The following AVPR1B variants were observed in gnomAD, a reference collection of about 807,000 sequenced individuals.
AVPR1B encodes vasopressin V1b receptor.
Under a neutral mutation model 27.5 loss-of-function variants are expected in AVPR1B, and 25 were observed. The ratio of observed to expected loss-of-function variants is 0.91; its 90% CI spans 0.66 to 1.27. The LOEUF (loss-of-function observed/expected upper bound fraction) is 1.27, where lower values mean the gene tolerates loss of function less well. AVPR1B is among the 50% of genes most tolerant of loss of function. The pLI, the probability that AVPR1B is intolerant of heterozygous loss-of-function variation, is 0.00. For synonymous variants in AVPR1B, 248 were observed against 240.2 expected (o/e 1.03, Z -0.30); for missense variants, 595 against 556.9 (o/e 1.07, Z -0.69).
Position 206,109,992 on chromosome 1 carries a change from G to C in AVPR1B, c.*197C>G, listed in dbSNP as rs1020857659. 1 of 605,548 alleles carries C rather than the reference G, an allele frequency of 1.7e-6. No homozygotes were observed. Among genetic ancestry groups the C allele is most frequent in the African/African-American group, 1.8e-5 (1 of 54,102 alleles). 37.5% of individuals were successfully genotyped at this position (605,548 alleles called of 1,614,324 possible). A position where few individuals can be genotyped will look rare whatever the true frequency, so the allele number is the denominator to read the frequency against. ...CCTGACTGCCAGTGTCTGAGATTGG[G>C]AGCTTATGAGGCAGCCCTCACACTA... On this transcript the variant is annotated 3_prime_UTR_variant, in exon 2 of 2. Coordinates refer to ENST00000367126, the MANE Select transcript of AVPR1B (RefSeq NM_000707.5).
chr1:206,112,773 G>A (rs1553289999), intron 1 of AVPR1B, among the ~76,000 whole-genome samples: 2 of 152,216 alleles, frequency 1.3e-5, no homozygotes, highest in African/African-American at 4.8e-5. Context: ...ACAGGCATGA[G>A]CCACCACACC....
At position 206,109,537 on chromosome 1, in the gene AVPR1B, C is replaced by T. The variant is rs35439639; in HGVS notation, c.*652G>A. Among the ~76,000 whole-genome samples the T allele has an allele frequency of 0.017, 2,531 of 152,046 alleles. 26 individuals are homozygous for T. The highest frequency in any genetic ancestry group is 0.027 in the Middle Eastern group (8 of 294). On this transcript the variant is annotated 3_prime_UTR_variant, in exon 2 of 2. Transcript: ENST00000367126. ...ATCCACGCTGTCATGGGGGGTGGCA[C>T]GAGGAGAAGAGGGACTGGCATTTGC...
intron 1 of AVPR1B, among the ~76,000 whole-genome samples, chr1:206,113,361 A>C (rs3888709): frequency 0.058 from 8,834 of 152,238 alleles, 837 homozygotes; most frequent in African/African-American, 0.2. Context: ...GCTAGGGGGC[A>C]AACAGGCCGG....
rs781984065 is a variant in AVPR1B, at chr1:206,115,697, C to T, written c.940+254G>A. Among the ~76,000 whole-genome samples, 7 of 152,094 alleles carry T rather than the reference C, an allele frequency of 4.6e-5. No homozygotes were observed. The South Asian group carries it at 1.0e-3, about 23-fold the overall frequency. On this transcript the variant is annotated intron_variant, in intron 1 of 1. Transcript: ENST00000367126. The stretch of plus-strand genomic sequence containing the variant: ...TAATGGTCATATTTCATTAGTACCA[C>T]CTAGTATTTTAAAATTGTTAGTTAC...
At chr1:206,112,183 A>G (rs182673814) in intron 1 of AVPR1B, among the ~76,000 whole-genome samples, 4 of 151,714 alleles carry the variant, frequency 2.6e-5, no homozygotes, top group African/African-American at 9.7e-5. Flanking sequence ...TGACAAGAGC[A>G]AGACTCCATC....
At position 206,116,984 on chromosome 1, in the gene AVPR1B, A is replaced by T. The variant is rs1571885668; in HGVS notation, c.-94T>A. 8.5e-7 allele frequency: 1 copy of T among 1,171,216 alleles called. No individual in the cohort carries two copies. The highest frequency in any genetic ancestry group is 2.2e-5 in the Admixed American group (1 of 45,454). The allele number at this position is 1,171,216 out of a possible 1,614,324, so 72.6% of individuals were successfully genotyped here. A position where few individuals can be genotyped will look rare whatever the true frequency, so the allele number is the denominator to read the frequency against. On this transcript the variant is annotated 5_prime_UTR_variant, in exon 1 of 2. Coordinates refer to ENST00000367126, the MANE Select transcript of AVPR1B (RefSeq NM_000707.5). ...AAATGGAGTGGCAGGGGAGGTGGAG[A>T]GAAAGGAGAAGCGTTGAGAATGACA...
In AVPR1B at chr1:206,109,643, C is replaced by T. The variant is rs1414817504; in HGVS notation, c.*546G>A. On this transcript the variant is annotated 3_prime_UTR_variant, in exon 2 of 2. Coordinates refer to ENST00000367126, the MANE Select transcript of AVPR1B (RefSeq NM_000707.5). Reference sequence around the variant, plus strand: ...TCTCCCTTCAACAGACAGCTGGGCACAGCAGGGTAATCCCTACATATCCAT... The same window carrying T: ...TCTCCCTTCAACAGACAGCTGGGCATAGCAGGGTAATCCCTACATATCCAT... 2 of 154,476 alleles carry T rather than the reference C, an allele frequency of 1.3e-5. No individual in the cohort carries two copies. Among genetic ancestry groups the T allele is most frequent in the Admixed American group, 6.4e-5 (1 of 15,598 alleles). The allele number at this position is 154,476 out of a possible 1,614,324, so 9.6% of individuals were successfully genotyped here.
intron 1 of AVPR1B, among the ~76,000 whole-genome samples, chr1:206,115,245 A>C (rs185674702): frequency 6.6e-6 from 1 of 152,252 alleles, no homozygotes; most frequent in East Asian, 1.9e-4. Flanking sequence ...AGAAAAAAAA[A>C]ACACATAAAA....
chr1:206,116,034 A>G lies in AVPR1B; in HGVS notation c.857T>C (p.Ile286Thr). 6.2e-7 allele frequency: 1 copy of G among 1,614,242 alleles called. No homozygotes were observed. Among genetic ancestry groups the G allele is most frequent in the East Asian group, 2.2e-5 (1 of 44,888 alleles). ...CCAGCAAGCGATGTAGGCCAGCACGATGACAAAGGTCATCTTCACTGTTCG... is the reference window on the plus strand; with the variant it reads ...CCAGCAAGCGATGTAGGCCAGCACGGTGACAAAGGTCATCTTCACTGTTCG... ...KIRTVKMTFV[I>T]VLAYIACWAP... is the part of the protein sequence containing the mutation. Residue 286 changes from isoleucine to threonine, a missense_variant, in exon 1 of 2, where the codon ATC becomes ACC. Coordinates refer to ENST00000367126, the MANE Select transcript of AVPR1B (RefSeq NM_000707.5).
intron 1 of AVPR1B, among the ~76,000 whole-genome samples, chr1:206,114,019 C>T (rs1663421687): frequency 1.3e-5 from 2 of 152,094 alleles, no homozygotes; most frequent in South Asian, 2.1e-4. Flanking sequence ...CTTGCCCAGA[C>T]GATGTCAAAA....
chr1:206,116,095 C>G lies in AVPR1B; in HGVS notation c.796G>C (p.Val266Leu), dbSNP rs1553290458. Residue 266 changes from valine (V) to leucine (L), a missense_variant, in exon 1 of 2, where the codon GTC (valine) becomes CTC (leucine). By Grantham distance (32) the Val-to-Leu change is conservative (BLOSUM62 1). Coordinates refer to ENST00000367126, the MANE Select transcript of AVPR1B (RefSeq NM_000707.5). ...AATTRGLPSR[V>L]SSINTISRAK... ...CGTGAGATGGTGTTGATGCTGCTGA[C>G]CCGAGATGGCAGCCCCCGAGTGGTG... is the stretch of plus-strand genomic sequence containing the variant. 6.2e-6 allele frequency: 10 copies of G among 1,614,114 alleles called. No individual in the cohort carries two copies. The South Asian group carries it at 1.1e-4, about 18-fold the overall frequency.
At chr1:206,113,263 C>T (rs1276305257) in intron 1 of AVPR1B, among the ~76,000 whole-genome samples, 1 of 152,156 alleles carries the variant, frequency 6.6e-6, no homozygotes, top group Admixed American at 6.5e-5. Context: ...CAGTCCTGGC[C>T]TCCGTTGCCT....
chr1:206,110,002 G>A lies in AVPR1B; in HGVS notation c.*187C>T, dbSNP rs1178716970. The A allele has an allele frequency of 1.6e-6, 1 of 633,714 alleles. No individual in the cohort carries two copies. The highest frequency in any genetic ancestry group is 2.7e-6 in the Non-Finnish European group (1 of 370,274). 39.3% of individuals were successfully genotyped at this position (633,714 alleles called of 1,614,324 possible). On this transcript the variant is annotated 3_prime_UTR_variant, in exon 2 of 2. Transcript: ENST00000367126. ...AGTGTCTGAGATTGGGAGCTTATGA[G>A]GCAGCCCTCACACTAGGGGCAGCTG...
rs781970588 is a variant in AVPR1B at position 206,116,172 on chromosome 1, C to A, written c.719G>T (p.Gly240Val). 3.4e-5 allele frequency: 55 copies of A among 1,613,094 alleles called. No homozygotes were observed. Among genetic ancestry groups the A allele is most frequent in the Non-Finnish European group, 4.3e-5 (51 of 1,179,676 alleles). ...LKVKTQAWRV[G>V]GGGWRTWDRP... ...GTCCCAAGTCCTCCAGCCCCCTCCTCCCACCCGCCAGGCCTGTGTCTTGAC... is the reference window on the plus strand; with the variant it reads ...GTCCCAAGTCCTCCAGCCCCCTCCTACCACCCGCCAGGCCTGTGTCTTGAC... Residue 240 changes from glycine to valine, a missense_variant, in exon 1 of 2, where the codon GGA becomes GTA. Coordinates refer to ENST00000367126, the MANE Select transcript of AVPR1B (RefSeq NM_000707.5).
At chr1:206,112,814 G>A (rs1321689549) in intron 1 of AVPR1B, among the ~76,000 whole-genome samples, 2 of 152,164 alleles carry the variant, frequency 1.3e-5, no homozygotes, top group Non-Finnish European at 2.9e-5. Context: ...TGTATAGCCT[G>A]CAGAACTGTA....
rs782756383 is a variant in AVPR1B at position 206,110,412 on chromosome 1, C to T, written c.1052G>A (p.Arg351His). 47 of 1,613,270 alleles carry T rather than the reference C, an allele frequency of 2.9e-5. No homozygotes were observed. Among genetic ancestry groups the T allele is most frequent in the Non-Finnish European group, 3.6e-5 (43 of 1,179,754 alleles). ...GGGACCCCCACAGCAGGCAAGGTGA[C>T]GCAGGGGCCGCGGTAACAGGTGGCT... ...FNSHLLPRPL[R>H]HLACCGGPQP... Residue 351 changes from arginine (R) to histidine (H), a missense_variant, in exon 2 of 2, where the codon CGT becomes CAT. Physicochemically the swap from Arg to His is conservative, Grantham distance 29 (BLOSUM62 0). Transcript: ENST00000367126.
chr1:206,116,192 C>T lies in AVPR1B; in HGVS notation c.699G>A (p.Lys233=), dbSNP rs1558185796. 2 of 1,509,114 alleles carry T rather than the reference C, an allele frequency of 1.3e-6. No individual in the cohort carries two copies. The highest frequency in any genetic ancestry group is 1.8e-6 in the Non-Finnish European group (2 of 1,112,850). The allele number at this position is 1,509,114 out of a possible 1,614,324, so 93.5% of individuals were successfully genotyped here. A position where few individuals can be genotyped will look rare whatever the true frequency, so the allele number is the denominator to read the frequency against. ...CTCCTCCCACCCGCCAGGCCTGTGTCTTGACTTTTAGGTTTTTACAGATCT... is the reference window on the plus strand; with the variant it reads ...CTCCTCCCACCCGCCAGGCCTGTGTTTTGACTTTTAGGTTTTTACAGATCT... ...CHEICKNLKV[K]TQAWRVGGGG... Residue 233 remains lysine, a synonymous_variant, in exon 1 of 2, where the codon AAG becomes AAA. Transcript: ENST00000367126.
chr1:206,114,118 G>T (rs1216263666), intron 1 of AVPR1B, among the ~76,000 whole-genome samples: 1 of 152,130 alleles, frequency 6.6e-6, no homozygotes, highest in Non-Finnish European at 1.5e-5. Context: ...TTCATGAATG[G>T]CTCTCCTCTA....
chr1:206,115,884 T>A (rs946672011), intron 1 of AVPR1B, 67 bp downstream of exon 1: 2 of 1,495,538 alleles, frequency 1.3e-6, no homozygotes, highest in Non-Finnish European at 1.8e-6. Flanking sequence ...ATTGTAACCC[T>A]GACCTAATCC....
Sources: gnomAD v4.1 joint callset for allele counts (sites outside exome capture counted in the v4.1 genomes callset) on GRCh38, gnomAD v4.1.1 for gene constraint, MANE v1.5 for transcripts, NCBI Gene and HGNC (gene_info 2026-07-23, HGNC 2026-07-21) for gene names.